SLC25A48: variants seen among roughly 807,000 people sequenced by gnomAD.
SLC25A48 encodes the protein solute carrier family 25 member 48, also known as CTC-321K16.1.
A neutral mutation model predicts 32.2 loss-of-function variants in SLC25A48; 29 were observed. That is an observed-to-expected ratio of 0.90 (90% CI 0.67 to 1.23). The LOEUF is 1.23. SLC25A48 is among the 50% of genes most tolerant of loss of function. SLC25A48 has a pLI of 0.00. For synonymous variants in SLC25A48, 164 were observed against 172.3 expected (o/e 0.95, Z 0.38); for missense variants, 399 against 422.7 (o/e 0.94, Z 0.49).
chr5:135,853,178 A>T (rs1381732996), intron 4 of SLC25A48, among the ~76,000 whole-genome samples: 1 of 152,270 alleles, frequency 6.6e-6, no homozygotes, highest in Non-Finnish European at 1.5e-5. Context: ...CTGAGTATTC[A>T]GCGAGTCGTA....
At chr5:135,767,933 C>A (rs1756286254) in intron 3 of SLC25A48, among the ~76,000 whole-genome samples, 1 of 146,094 alleles carries the variant, frequency 6.8e-6, no homozygotes, top group African/African-American at 2.6e-5. Context: ...TGTACACACC[C>A]CTGTGATATT....
chr5:135,784,188 G>A (rs11950042), intron 3 of SLC25A48, among the ~76,000 whole-genome samples: 58,070 of 113,530 alleles, frequency 0.51, 22,098 homozygotes, highest in Middle Eastern at 0.69. Context: ...TGCAATAAGC[G>A]TACACCCTAA....
chr5:135,732,920 T>G (rs1755264469), intron 3 of SLC25A48, among the ~76,000 whole-genome samples: 1 of 152,338 alleles, frequency 6.6e-6, no homozygotes. Flanking sequence ...TGATGCCTTT[T>G]GATGGCTCTT....
chr5:135,770,162 G>A (rs1756367827), intron 3 of SLC25A48, among the ~76,000 whole-genome samples: 1 of 150,768 alleles, frequency 6.6e-6, no homozygotes, highest in Non-Finnish European at 1.5e-5. Flanking sequence ...CTAATATTCA[G>A]AAAAGAAGTG....
intron 3 of SLC25A48, among the ~76,000 whole-genome samples, chr5:135,797,832 G>A (rs1343382889): frequency 1.3e-5 from 2 of 151,566 alleles, no homozygotes; most frequent in East Asian, 1.9e-4. Flanking sequence ...TCAAGCAGGG[G>A]GGAGGATGAC....
chr5:135,799,447 T>C (rs1448631764), intron 3 of SLC25A48, among the ~76,000 whole-genome samples: 1 of 151,310 alleles, frequency 6.6e-6, no homozygotes, highest in East Asian at 1.9e-4. Context: ...ATAATGTGAC[T>C]CCCAATATTG....
At chr5:135,755,137 G>A (rs56079656) in intron 3 of SLC25A48, among the ~76,000 whole-genome samples, 6,534 of 151,464 alleles carry the variant, frequency 0.043, 284 homozygotes, top group African/African-American at 0.11. Context: ...ATATTGCAGC[G>A]TTATTTATGA....
intron 1 of SLC25A48, among the ~76,000 whole-genome samples, chr5:135,587,809 C>T (rs17168691): frequency 0.08 from 12,180 of 152,220 alleles, 499 homozygotes; most frequent in South Asian, 0.15. Context: ...GCCAAGAGTG[C>T]GGCCCAGATT....
chr5:135,659,777 C>T (rs1179963063), intron 3 of SLC25A48, among the ~76,000 whole-genome samples: 1 of 152,176 alleles, frequency 6.6e-6, no homozygotes, highest in Non-Finnish European at 1.5e-5. Context: ...GAAGCAAGCA[C>T]ATCTTCACAT....
chr5:135,850,536 G>T, intron 3 of SLC25A48, 40 bp downstream of exon 3: 1 of 1,600,740 alleles, frequency 6.2e-7, no homozygotes, highest in East Asian at 2.2e-5. Context: ...GCCTGCCTGG[G>T]CCCCCACAGG....
At chr5:135,794,764 G>A (rs1453622905) in intron 3 of SLC25A48, among the ~76,000 whole-genome samples, 1 of 151,420 alleles carries the variant, frequency 6.6e-6, no homozygotes, top group Non-Finnish European at 1.5e-5. Context: ...ATATCCAAGT[G>A]AAGAGATAAA....
intron 2 of SLC25A48, among the ~76,000 whole-genome samples, chr5:135,850,125 A>G (rs1759724905): frequency 6.6e-6 from 1 of 152,198 alleles, no homozygotes; most frequent in African/African-American, 2.4e-5. Context: ...CAGATAGGGT[A>G]GAGTCCCAGT....
At chr5:135,735,427 T>A (rs1224221055) in intron 3 of SLC25A48, among the ~76,000 whole-genome samples, 1 of 152,176 alleles carries the variant, frequency 6.6e-6, no homozygotes, top group East Asian at 1.9e-4. Context: ...GCCTTCAAGG[T>A]CTAGGGCTGT....
At chr5:135,759,455 C>A (rs1257613698) in intron 3 of SLC25A48, among the ~76,000 whole-genome samples, 1 of 152,130 alleles carries the variant, frequency 6.6e-6, no homozygotes, top group Non-Finnish European at 1.5e-5. Context: ...AATATCTTTT[C>A]TCGTGCAATT....
At position 135,743,845 on chromosome 5, in the gene SLC25A48, A is replaced by G. The variant is rs988278210; in HGVS notation, c.-520-68678A>G. Among the ~76,000 whole-genome samples the G allele has an allele frequency of 2.0e-5, 3 of 152,180 alleles. No homozygotes were observed. The South Asian group carries it at 6.2e-4, about 32-fold the overall frequency. On this transcript the variant is annotated intron_variant, in intron 3 of 10. Transcript: ENST00000646290. ...TTTGATGGCCCCTAAACCTTTGAAGATGAATATCCTCCCATAAACAAGGAC... is the reference window on the plus strand; with the variant it reads ...TTTGATGGCCCCTAAACCTTTGAAGGTGAATATCCTCCCATAAACAAGGAC...
intron 7 of SLC25A48, chr5:135,883,349 A>C (rs530592645): frequency 8.1e-6 from 8 of 985,510 alleles, no homozygotes; most frequent in Admixed American, 6.1e-5. Flanking sequence ...ACAAAACTGG[A>C]GTAAAATAGA....
intron 3 of SLC25A48, among the ~76,000 whole-genome samples, chr5:135,807,489 A>C (rs1757490026): frequency 6.6e-6 from 1 of 150,624 alleles, no homozygotes; most frequent in Admixed American, 6.6e-5. Flanking sequence ...TATGTGATAC[A>C]TTACATATGA....
intron 3 of SLC25A48, among the ~76,000 whole-genome samples, chr5:135,705,578 A>G (rs1389036127): frequency 1.3e-5 from 2 of 152,252 alleles, no homozygotes; most frequent in East Asian, 3.8e-4. Flanking sequence ...ATGCACTAAC[A>G]TTATTTAGTG....
intron 3 of SLC25A48, among the ~76,000 whole-genome samples, chr5:135,706,780 T>C (rs1402522483): frequency 6.6e-6 from 1 of 152,110 alleles, no homozygotes; most frequent in Non-Finnish European, 1.5e-5. Context: ...ATCTCCCCGA[T>C]TGGGTCTGCA....
Sources: gnomAD v4.1 joint callset for allele counts (sites outside exome capture counted in the v4.1 genomes callset) on GRCh38, gnomAD v4.1.1 for gene constraint, MANE v1.5 for transcripts, NCBI Gene and HGNC (gene_info 2026-07-23, HGNC 2026-07-21) for gene names.